The following CDH6 variants were observed in gnomAD, a reference collection of about 807,000 sequenced individuals.
CDH6 encodes the protein cadherin-6.
In CDH6, 31 loss-of-function variants were observed where a neutral mutation model predicts 78.0. That is an observed-to-expected ratio of 0.40 (90% confidence interval 0.30 to 0.54). CDH6 has a LOEUF of 0.54. Ranked by LOEUF, CDH6 falls within the 20% of genes least tolerant of loss-of-function variation. The pLI, the probability that CDH6 is intolerant of heterozygous loss-of-function variation, is 0.56. For missense variants in CDH6, 724 were observed against 975.9 expected (o/e 0.74, Z 3.44); for synonymous variants, 376 against 368.8 (o/e 1.02, Z -0.23).
At chr5:31,305,667 A>G (rs1737971302) in intron 7 of CDH6, among the ~76,000 whole-genome samples, 1 of 152,200 alleles carries the variant, frequency 6.6e-6, no homozygotes, top group Non-Finnish European at 1.5e-5. Flanking sequence ...CCACCCCCAT[A>G]TTAAAATTCA....
chr5:31,295,327 A>G (rs1737554073), intron 3 of CDH6, among the ~76,000 whole-genome samples: 1 of 152,150 alleles, frequency 6.6e-6, no homozygotes, highest in Non-Finnish European at 1.5e-5. Flanking sequence ...TTTGTTAGGA[A>G]AAAAATTTCT....
chr5:31,254,740 A>G (rs67239092), intron 1 of CDH6, among the ~76,000 whole-genome samples: 9,643 of 152,324 alleles, frequency 0.063, 379 homozygotes, highest in South Asian at 0.12. Flanking sequence ...AAAAGATTAC[A>G]AACTTATTTT....
At chr5:31,215,973 G>A (rs544080157) in intron 1 of CDH6, among the ~76,000 whole-genome samples, 1 of 152,204 alleles carries the variant, frequency 6.6e-6, no homozygotes, top group Admixed American at 6.5e-5. Context: ...CATAAAGTAG[G>A]AAGAAGGCCC....
At chr5:31,242,921 G>C (rs1741645987) in intron 1 of CDH6, among the ~76,000 whole-genome samples, 1 of 151,666 alleles carries the variant, frequency 6.6e-6, no homozygotes, top group Non-Finnish European at 1.5e-5. Context: ...AGGTAGATGA[G>C]CAGTCACAAA....
intron 1 of CDH6, among the ~76,000 whole-genome samples, chr5:31,229,648 G>C (rs1036125116): frequency 6.6e-6 from 1 of 152,150 alleles, no homozygotes; most frequent in Non-Finnish European, 1.5e-5. Context: ...AAGAAACTCC[G>C]GAGTCCCACC....
chr5:31,241,833 C>T (rs1188572169), intron 1 of CDH6, among the ~76,000 whole-genome samples: 1 of 152,186 alleles, frequency 6.6e-6, no homozygotes, highest in Non-Finnish European at 1.5e-5. Flanking sequence ...ATAGTCTCAC[C>T]ATGTGCCTAG....
At chr5:31,203,243 T>TA (rs1554001941) in intron 1 of CDH6, among the ~76,000 whole-genome samples, 2 of 129,662 alleles carry the variant, frequency 1.5e-5, no homozygotes, top group African/African-American at 6.8e-5. Flanking sequence ...CTTTTTTTTT[T>TA]TTATTTATTT....
chr5:31,239,623 G>T (rs1171604984), intron 1 of CDH6, among the ~76,000 whole-genome samples: 1 of 152,206 alleles, frequency 6.6e-6, no homozygotes, highest in Non-Finnish European at 1.5e-5. Context: ...TGAATTTAGG[G>T]TTTACCCCAA....
At chr5:31,252,657 T>C (rs72635213) in intron 1 of CDH6, among the ~76,000 whole-genome samples, 13,198 of 152,160 alleles carry the variant, frequency 0.087, 858 homozygotes, top group East Asian at 0.37. Context: ...TCAAATGAAA[T>C]AAATAAGAGC....
At chr5:31,301,999 C>A in intron 5 of CDH6, 112 bp from the exon 6 acceptor site, 1 of 612,748 alleles carries the variant, frequency 1.6e-6, no homozygotes, top group Non-Finnish European at 2.8e-6. Context: ...GGAAAGCACA[C>A]ATCTACCTGA....
intron 2 of CDH6, among the ~76,000 whole-genome samples, chr5:31,291,743 A>G (rs1339650112): frequency 1.3e-5 from 2 of 152,206 alleles, no homozygotes; most frequent in African/African-American, 4.8e-5. Flanking sequence ...TTGACGATGG[A>G]GAGTTAAACT....
At chr5:31,239,795 G>A (rs1171618303) in intron 1 of CDH6, among the ~76,000 whole-genome samples, 2 of 152,144 alleles carry the variant, frequency 1.3e-5, no homozygotes, top group Non-Finnish European at 2.9e-5. Flanking sequence ...GAGTCACAGA[G>A]GAATCCATAG....
intron 2 of CDH6, among the ~76,000 whole-genome samples, chr5:31,273,547 C>A (rs566131929): frequency 1.3e-5 from 2 of 152,042 alleles, no homozygotes; most frequent in African/African-American, 4.8e-5. Context: ...GCTAAGACCC[C>A]GACAGACGAT....
chr5:31,314,137 G>A (rs1738236324), intron 8 of CDH6, among the ~76,000 whole-genome samples: 1 of 152,062 alleles, frequency 6.6e-6, no homozygotes, highest in South Asian at 2.1e-4. Context: ...GAACATAAGT[G>A]AAAAATGATC....
intron 1 of CDH6, among the ~76,000 whole-genome samples, chr5:31,195,414 G>C (rs990708342): frequency 6.6e-6 from 1 of 152,126 alleles, no homozygotes; most frequent in East Asian, 1.9e-4. Flanking sequence ...TAGTGCCAAG[G>C]GTTGCTTATT....
At chr5:31,210,523 A>AC (rs1740673326) in intron 1 of CDH6, among the ~76,000 whole-genome samples, 1 of 152,088 alleles carries the variant, frequency 6.6e-6, no homozygotes, top group Admixed American at 6.6e-5. Flanking sequence ...ATAAATAAGT[A>AC]TTGCTGATAC....
chr5:31,258,415 C>T (rs867769880), intron 1 of CDH6, among the ~76,000 whole-genome samples: 5 of 152,214 alleles, frequency 3.3e-5, no homozygotes, highest in African/African-American at 9.6e-5. Flanking sequence ...CATGTTCTCA[C>T]CCATAAGTGG....
At chr5:31,290,990 T>G (rs1231582425) in intron 2 of CDH6, among the ~76,000 whole-genome samples, 1 of 152,216 alleles carries the variant, frequency 6.6e-6, no homozygotes, top group East Asian at 1.9e-4. Context: ...CTATAAGTCA[T>G]CGAAATGGTC....
chr5:31,243,030 A>G (rs1741648187), intron 1 of CDH6, among the ~76,000 whole-genome samples: 1 of 152,154 alleles, frequency 6.6e-6, no homozygotes, highest in Non-Finnish European at 1.5e-5. Flanking sequence ...CCTGTTTTGA[A>G]TCAACCAACC....
Sources: allele counts gnomAD v4.1 joint callset (sites outside exome capture counted in the v4.1 genomes callset), GRCh38; gene constraint gnomAD v4.1.1; transcripts MANE v1.5; gene names NCBI Gene and HGNC (gene_info 2026-07-23, HGNC 2026-07-21).